PEX5: variants seen among roughly 807,000 people sequenced by gnomAD.
The protein encoded by PEX5 is PTS1 receptor.
PEX5 carries 52 observed loss-of-function variants against 82.9 expected under a neutral mutation model. The ratio of observed to expected loss-of-function variants is 0.63; its 90% CI spans 0.50 to 0.79. PEX5 has a LOEUF of 0.79. Ranked by LOEUF, PEX5 falls within the 30% of genes least tolerant of loss-of-function variation. The pLI is 0.00. For missense variants in PEX5, 719 were observed against 815.2 expected, an observed-to-expected ratio of 0.88 and a Z score of 1.44; for synonymous variants, 300 against 318.8, an observed-to-expected ratio of 0.94 and a Z score of 0.63.
At chr12:7,211,962 TTTTTTTG>T (rs1565730102), downstream of PEX5, among the ~76,000 whole-genome samples, 5 of 93,716 alleles carry the variant, frequency 5.3e-5, no homozygotes, top group East Asian at 9.6e-4. Context: ...AAAATTTTTT[TTTTTTTG>T]TTTTTTTTTT....
rs1317654671 is a variant in PEX5, at chr12:7,193,231, A to ATTTTT, written c.448+1533_448+1534insTTTTT. On this transcript the variant is annotated intron_variant, in intron 5 of 15. Transcript: ENST00000675855. ...AACTCATGTCTGTGTGGCTCTTGAG[A>ATTTTT]TTCTTTTTTTTTTTTTTTTTTTGAG... is the stretch of plus-strand genomic sequence containing the variant. Among the ~76,000 whole-genome samples, 38 of 131,156 alleles carry ATTTTT rather than the reference A, an allele frequency of 2.9e-4. No homozygotes were observed. In the East Asian group the frequency reaches 7.3e-3, roughly 25 times the overall value. 86.0% of individuals were successfully genotyped at this position (131,156 alleles called of 152,430 possible).
intron 6 of PEX5, 89 bp downstream of exon 6, chr12:7,199,202 C>CTTT: frequency 1.9e-6 from 1 of 536,510 alleles, no homozygotes; most frequent in Non-Finnish European, 3.3e-6. Context: ...AACCAACTTA[C>CTTT]TTTATTCTTT....
At chr12:7,212,307 A>C (rs761852102), downstream of PEX5, among the ~76,000 whole-genome samples, 1 of 151,956 alleles carries the variant, frequency 6.6e-6, no homozygotes, top group Non-Finnish European at 1.5e-5. Flanking sequence ...AAGTTTTTCA[A>C]ATAGAGACTA....
At chr12:7,200,299 G>A (rs1434319123) in intron 6 of PEX5, among the ~76,000 whole-genome samples, 3 of 150,984 alleles carry the variant, frequency 2.0e-5, no homozygotes, top group East Asian at 2.0e-4. Context: ...ATGGGTGGTC[G>A]GGCAGAGACG....
intron 10 of PEX5, among the ~76,000 whole-genome samples, chr12:7,203,797 AG>A (rs1944439054): frequency 6.6e-6 from 1 of 152,196 alleles, no homozygotes; most frequent in South Asian, 2.1e-4. Context: ...CCTGTGAAGG[AG>A]GTTTGCACAT....
downstream of PEX5, chr12:7,211,620 G>A (rs1945577641): frequency 6.6e-6 from 1 of 151,906 alleles, no homozygotes; most frequent in African/African-American, 2.4e-5. Context: ...TAGAGCACAG[G>A]AGACAGGGTC....
At chr12:7,199,699 C>T (rs1186067623) in intron 6 of PEX5, among the ~76,000 whole-genome samples, 4 of 150,142 alleles carry the variant, frequency 2.7e-5, no homozygotes, top group South Asian at 2.1e-4. Flanking sequence ...CATCATGGCC[C>T]GTTCTCAATG....
intron 9 of PEX5, among the ~76,000 whole-genome samples, chr12:7,203,177 A>C (rs74621315): frequency 3.9e-5 from 1 of 25,372 alleles, no homozygotes; most frequent in African/African-American, 9.0e-5. Flanking sequence ...AACTAAACTA[A>C]ACTATGCACT....
In PEX5 at chr12:7,207,344, C is replaced by T. The variant is rs188607626; in HGVS notation, c.967-315C>T. Among the ~76,000 whole-genome samples the T allele has an allele frequency of 1.4e-4, 22 of 152,180 alleles. No individual in the cohort carries two copies. The East Asian group carries it at 1.5e-3, about 11-fold the overall frequency. On this transcript the variant is annotated intron_variant, in intron 10 of 15. Coordinates refer to ENST00000675855, the MANE Select transcript of PEX5 (RefSeq NM_001351132.2). ...CAGATCCTGTTGAGACATTCTGCCC[C>T]GTGGTGAGAAGTCAAGGTGTGGGAA...
chr12:7,202,540 G>C, intron 8 of PEX5, 72 bp from the exon 9 acceptor site: 3 of 1,441,434 alleles, frequency 2.1e-6, no homozygotes, highest in Non-Finnish European at 2.9e-6. Flanking sequence ...GTGGTGGTTA[G>C]TGGGTATTTA....
At chr12:7,205,980 A>G (rs1177153854) in intron 10 of PEX5, among the ~76,000 whole-genome samples, 1 of 152,222 alleles carries the variant, frequency 6.6e-6, no homozygotes, top group African/African-American at 2.4e-5. Context: ...GTTGGTGAAG[A>G]TTCCCATTTG....
chr12:7,190,444 C>A lies in PEX5; in HGVS notation c.67C>A (p.His23Asn). ...CAACCCGCTCATGAAGCTCGCCGGGCACTTCACCCAGGACAAGGCCCTTCG... is the reference window on the plus strand; with the variant it reads ...CAACCCGCTCATGAAGCTCGCCGGGAACTTCACCCAGGACAAGGCCCTTCG... Reference protein sequence around the residue: ...GANPLMKLAGHFTQDKALRQE... With the variant: ...GANPLMKLAGNFTQDKALRQE... The change falls in exon 2 of 16, where the codon CAC becomes AAC. Residue 23 changes from histidine to asparagine, a missense_variant. Coordinates refer to ENST00000675855, the MANE Select transcript of PEX5 (RefSeq NM_001351132.2). 6.2e-7 allele frequency: 1 copy of A among 1,614,182 alleles called. No individual in the cohort carries two copies. Among genetic ancestry groups the A allele is most frequent in the Non-Finnish European group, 8.5e-7 (1 of 1,180,040 alleles).
chr12:7,211,838 A>C (rs1426452651), downstream of PEX5, among the ~76,000 whole-genome samples: 1 of 152,118 alleles, frequency 6.6e-6, no homozygotes, highest in African/African-American at 2.4e-5. Context: ...CTTTATCGGG[A>C]ACTGTATCAA....
Position 7,190,469 on chromosome 12 carries a change from G to C in PEX5, c.92G>C (p.Arg31Pro), listed in dbSNP as rs190526209. ...AGHFTQDKAL[R>P]QEGLRPGPWP... is the part of the protein sequence containing the mutation. ...CACTTCACCCAGGACAAGGCCCTTCGGCAGGAGGGATTGAGGCCTGGCCCC... is the reference window on the plus strand; with the variant it reads ...CACTTCACCCAGGACAAGGCCCTTCCGCAGGAGGGATTGAGGCCTGGCCCC... Residue 31 changes from arginine (R) to proline (P), a missense_variant, in exon 2 of 16, where the codon CGG becomes CCG. By Grantham distance (103) the Arg-to-Pro change is moderately radical (BLOSUM62 -2). Coordinates refer to ENST00000675855, the MANE Select transcript of PEX5 (RefSeq NM_001351132.2). The C allele has an allele frequency of 6.2e-7, 1 of 1,613,988 alleles. No individual in the cohort carries two copies. Among genetic ancestry groups the C allele is most frequent in the African/African-American group, 1.3e-5 (1 of 74,898 alleles).
intron 10 of PEX5, among the ~76,000 whole-genome samples, chr12:7,203,802 T>G (rs1409470962): frequency 1.3e-5 from 2 of 152,256 alleles, no homozygotes; most frequent in Non-Finnish European, 2.9e-5. Context: ...GAAGGAGGTT[T>G]GCACATGCTT....
rs1469403868 is a variant in PEX5 at position 7,197,412 on chromosome 12, A to G, written c.449-1599A>G. Among the ~76,000 whole-genome samples, 3 of 61,130 alleles carry G rather than the reference A, an allele frequency of 4.9e-5. 1 individual carries two copies. The highest frequency in any genetic ancestry group is 1.3e-4 in the Non-Finnish European group (3 of 23,712). 40.1% of individuals were successfully genotyped at this position (61,130 alleles called of 152,430 possible). On this transcript the variant is annotated intron_variant, in intron 5 of 15. Transcript: ENST00000675855. ...AATAATTATATATATGTCATATACAATGTAATTATATGTCATATACAATGT... is the reference window on the plus strand; with the variant it reads ...AATAATTATATATATGTCATATACAGTGTAATTATATGTCATATACAATGT...
chr12:7,208,951 A>C, intron 13 of PEX5, 54 bp from the exon 14 acceptor site: 1 of 1,456,684 alleles, frequency 6.9e-7, no homozygotes, highest in Non-Finnish European at 9.6e-7. Context: ...ATTTGGGGGG[A>C]TGGGAATAGA....
At chr12:7,216,574 T>G (rs952734650) in intron 17 of PEX5, among the ~76,000 whole-genome samples, 1 of 53,066 alleles carries the variant, frequency 1.9e-5, no homozygotes, top group African/African-American at 4.0e-5. Context: ...ATAACTTCTA[T>G]TTTTTGTTTT....
chr12:7,207,735 A>T lies in PEX5; in HGVS notation c.1043A>T (p.Glu348Val). The change falls in exon 11 of 16, where the codon GAG becomes GTG. Residue 348 changes from glutamate to valine, a missense_variant. By Grantham distance (121) the Glu-to-Val change is moderately radical. Coordinates refer to ENST00000675855, the MANE Select transcript of PEX5 (RefSeq NM_001351132.2). ...PFEEGLRRLQ[E>V]GDLPNAVLLF... Reference sequence around the variant, plus strand: ...GAAGAAGGGCTGCGGCGCCTTCAGGAGGGGGACCTGCCAAATGCTGTGCTG... The same window carrying T: ...GAAGAAGGGCTGCGGCGCCTTCAGGTGGGGGACCTGCCAAATGCTGTGCTG... The T allele has an allele frequency of 6.2e-7, 1 of 1,614,102 alleles. No individual in the cohort carries two copies. The highest frequency in any genetic ancestry group is 1.1e-5 in the South Asian group (1 of 91,082).
Sources: allele counts gnomAD v4.1 joint callset (sites outside exome capture counted in the v4.1 genomes callset), GRCh38; gene constraint gnomAD v4.1.1; transcripts MANE v1.5; gene names NCBI Gene and HGNC (gene_info 2026-07-23, HGNC 2026-07-21).